Variants in NXPE4 observed in about 807,000 individuals in gnomAD.
NXPE4 encodes NXPE family member 4.
In NXPE4, 42 loss-of-function variants were observed where a neutral mutation model predicts 33.3. The ratio of observed to expected loss-of-function variants is 1.26; its 90% CI spans 0.98 to 1.63. The LOEUF is 1.63. Ranked by LOEUF, NXPE4 falls within the 40% of genes most tolerant of loss-of-function variation. The pLI, the probability that NXPE4 is intolerant of heterozygous loss-of-function variation, is 0.00. For synonymous variants in NXPE4, 253 were observed against 234.9 expected, an observed-to-expected ratio of 1.08 and a Z score of -0.71; for missense variants, 709 against 647.6, an observed-to-expected ratio of 1.09 and a Z score of -1.03.
the NXPE4 span, among the ~76,000 whole-genome samples, chr11:114,603,883 G>T: frequency 1.3e-5 from 2 of 151,262 alleles, no homozygotes; most frequent in Non-Finnish European, 2.9e-5. Context: ...TTATCTGGTG[G>T]TTAATAAGTA....
At chr11:114,635,402 G>A in the NXPE4 span, among the ~76,000 whole-genome samples, 61 of 150,966 alleles carry the variant, frequency 4.0e-4, 2 homozygotes, top group South Asian at 8.4e-4. Context: ...CAATCATGTC[G>A]TCTGCAAACA....
At chr11:114,624,048 G>C in the NXPE4 span, among the ~76,000 whole-genome samples, 1 of 152,116 alleles carries the variant, frequency 6.6e-6, no homozygotes, top group South Asian at 2.1e-4. Flanking sequence ...GTTACCTGGT[G>C]GATAATGAGT....
At chr11:114,585,898 G>T (rs1468052472) in intron 2 of NXPE4, among the ~76,000 whole-genome samples, 1 of 152,122 alleles carries the variant, frequency 6.6e-6, no homozygotes, top group Non-Finnish European at 1.5e-5. Flanking sequence ...TCAACATGGA[G>T]GCTCCATCTT....
the NXPE4 span, among the ~76,000 whole-genome samples, chr11:114,611,141 A>C: frequency 6.6e-6 from 1 of 150,892 alleles, no homozygotes; most frequent in African/African-American, 2.4e-5. Context: ...ATGGGTCCTC[A>C]CTGTTACCCG....
the NXPE4 span, among the ~76,000 whole-genome samples, chr11:114,659,617 T>C: frequency 6.6e-6 from 1 of 152,078 alleles, no homozygotes; most frequent in Non-Finnish European, 1.5e-5. Context: ...TAGAAAATAT[T>C]TTTAATGAAA....
rs1423880264 is a variant in NXPE4 at position 114,580,124 on chromosome 11, A to G, written c.1099+8T>C. The G allele has an allele frequency of 3.7e-6, 6 of 1,605,178 alleles. No individual in the cohort carries two copies. The highest frequency in any genetic ancestry group is 5.1e-6 in the Non-Finnish European group (6 of 1,171,894). On this transcript the variant is annotated splice_region_variant and intron_variant, in intron 5 of 5. Coordinates refer to ENST00000375478, the MANE Select transcript of NXPE4 (RefSeq NM_001077639.2). ...GGGGTAAGAATTATAGCTTAGACTG[A>G]GGCATACTGTTGATACTGGCTTTGA...
chr11:114,608,394 G>T, the NXPE4 span, among the ~76,000 whole-genome samples: 2 of 152,040 alleles, frequency 1.3e-5, no homozygotes, highest in African/African-American at 2.4e-5. Context: ...TTGCCTCATG[G>T]GTAACCACTG....
intron 1 of NXPE4, 40 bp from the exon 2 acceptor site, chr11:114,594,809 A>G (rs1200031919): frequency 9.9e-7 from 1 of 1,014,110 alleles, no homozygotes; most frequent in East Asian, 2.5e-5. Context: ...AAAACATACA[A>G]CAAAACAGAA....
At chr11:114,617,312 T>G in the NXPE4 span, among the ~76,000 whole-genome samples, 3 of 139,578 alleles carry the variant, frequency 2.1e-5, no homozygotes, top group African/African-American at 5.4e-5. Flanking sequence ...GATACTAAGT[T>G]TTGCCTCGTG....
At chr11:114,635,441 T>C in the NXPE4 span, among the ~76,000 whole-genome samples, 1 of 151,632 alleles carries the variant, frequency 6.6e-6, no homozygotes, top group Admixed American at 6.6e-5. Context: ...CTTTTCCTAA[T>C]TGAATACCCT....
intron 5 of NXPE4, among the ~76,000 whole-genome samples, chr11:114,575,609 AAAAT>A: frequency 6.6e-6 from 1 of 152,112 alleles, no homozygotes; most frequent in South Asian, 2.1e-4. Flanking sequence ...AAAATAAAAT[AAAAT>A]AAAATAAAAA....
At chr11:114,574,010 C>G (rs1015272628) in intron 5 of NXPE4, among the ~76,000 whole-genome samples, 2 of 151,996 alleles carry the variant, frequency 1.3e-5, no homozygotes, top group Non-Finnish European at 2.9e-5. Flanking sequence ...ATATCAAGTA[C>G]TCTCTCAGAC....
the NXPE4 span, among the ~76,000 whole-genome samples, chr11:114,610,671 G>A: frequency 6.6e-6 from 1 of 151,634 alleles, no homozygotes; most frequent in Non-Finnish European, 1.5e-5. Flanking sequence ...GATAATACAT[G>A]TTGCCTCGTG....
the NXPE4 span, among the ~76,000 whole-genome samples, chr11:114,613,782 C>A: frequency 2.0e-5 from 3 of 151,754 alleles, no homozygotes; most frequent in Admixed American, 1.3e-4. Flanking sequence ...TGGTGGGTAA[C>A]CACAGTTAGC....
rs770373330 is a variant in NXPE4 at position 114,582,516 on chromosome 11, C to G, written c.602G>C (p.Arg201Thr). 1.5e-5 allele frequency: 24 copies of G among 1,614,054 alleles called. No homozygotes were observed. The Admixed American group carries it at 3.7e-4, about 25-fold the overall frequency. Residue 201 changes from arginine to threonine, a missense_variant, in exon 3 of 6, where the codon AGG becomes ACG. By Grantham distance (71) the Arg-to-Thr change is moderately conservative. Transcript: ENST00000375478. ...LWSARNQGYD[R>T]VIFTGQFVNG... ...GACAAACTGGCCAGTGAAGATCACCCTGTCATAGCCTTGGTTCCTTGCACT... is the reference window on the plus strand; with the variant it reads ...GACAAACTGGCCAGTGAAGATCACCGTGTCATAGCCTTGGTTCCTTGCACT...
the NXPE4 span, among the ~76,000 whole-genome samples, chr11:114,642,056 T>C: frequency 6.6e-6 from 1 of 152,032 alleles, no homozygotes; most frequent in South Asian, 2.1e-4. Flanking sequence ...TTCCAAAGAA[T>C]ACAGCATGGA....
the NXPE4 span, among the ~76,000 whole-genome samples, chr11:114,613,859 T>C: frequency 6.6e-6 from 1 of 152,048 alleles, no homozygotes; most frequent in African/African-American, 2.4e-5. Flanking sequence ...TATTGCCTAA[T>C]AGGTAACCAC....
chr11:114,587,575 T>G (rs1429847277), intron 2 of NXPE4, among the ~76,000 whole-genome samples: 1 of 152,198 alleles, frequency 6.6e-6, no homozygotes, highest in Non-Finnish European at 1.5e-5. Context: ...TCCCAATCCA[T>G]TGGTTCCTCT....
chr11:114,669,397 T>C, the NXPE4 span, among the ~76,000 whole-genome samples: 1 of 152,068 alleles, frequency 6.6e-6, no homozygotes, highest in Non-Finnish European at 1.5e-5. Context: ...GAAGACTTCA[T>C]CTTCCCTGAC....
Sources: allele counts gnomAD v4.1 joint callset (sites outside exome capture counted in the v4.1 genomes callset), GRCh38; gene constraint gnomAD v4.1.1; transcripts MANE v1.5; gene names NCBI Gene and HGNC (gene_info 2026-07-23, HGNC 2026-07-21).